Variants in TMEM135 observed in about 807,000 individuals in gnomAD.
TMEM135 encodes transmembrane protein 135.
In TMEM135, 30 loss-of-function variants were observed where a neutral mutation model predicts 60.3. The observed-to-expected ratio is 0.50, with a 90% confidence interval of 0.37 to 0.68. The LOEUF (loss-of-function observed/expected upper bound fraction) is 0.68, where lower values mean the gene tolerates loss of function less well. TMEM135 is among the 30% of genes least tolerant of loss of function. TMEM135 has a pLI of 0.00. For synonymous variants in TMEM135, 190 were observed against 186.7 expected, an observed-to-expected ratio of 1.02 and a Z score of -0.14; for missense variants, 468 against 548.8, an observed-to-expected ratio of 0.85 and a Z score of 1.47.
intron 6 of TMEM135, among the ~76,000 whole-genome samples, chr11:87,276,110 A>G (rs1466832301): frequency 2.0e-5 from 3 of 152,202 alleles, no homozygotes; most frequent in Non-Finnish European, 2.9e-5. Context: ...CAAGTTACAT[A>G]TGCAAAGGAA....
intron 4 of TMEM135, among the ~76,000 whole-genome samples, chr11:87,126,174 A>T (rs778623213): frequency 2.0e-5 from 3 of 152,158 alleles, no homozygotes; most frequent in Non-Finnish European, 2.9e-5. Flanking sequence ...CCCGGCCTAC[A>T]ATACCTGTAT....
chr11:87,062,083 G>A (rs1949952430), intron 1 of TMEM135, among the ~76,000 whole-genome samples: 1 of 152,026 alleles, frequency 6.6e-6, no homozygotes, highest in African/African-American at 2.4e-5. Flanking sequence ...TCGGCTCACT[G>A]CAGCCTCCAC....
At chr11:87,090,999 A>G (rs546302366) in intron 3 of TMEM135, among the ~76,000 whole-genome samples, 1 of 152,220 alleles carries the variant, frequency 6.6e-6, no homozygotes, top group South Asian at 2.1e-4. Context: ...TTTTGGCAAG[A>G]TGAATTAGAA....
intron 6 of TMEM135, among the ~76,000 whole-genome samples, chr11:87,284,058 T>C (rs1239680392): frequency 6.6e-6 from 1 of 152,186 alleles, no homozygotes; most frequent in Admixed American, 6.5e-5. Context: ...TTCGTAGCAA[T>C]GCCATAATTT....
intron 4 of TMEM135, among the ~76,000 whole-genome samples, chr11:87,111,136 A>G (rs1857734272): frequency 6.6e-6 from 1 of 152,230 alleles, no homozygotes; most frequent in Admixed American, 6.5e-5. Context: ...TTAGCAAAGA[A>G]GGACGAAGAA....
At chr11:87,211,643 A>G (rs1940372460) in intron 5 of TMEM135, among the ~76,000 whole-genome samples, 1 of 152,154 alleles carries the variant, frequency 6.6e-6, no homozygotes, top group African/African-American at 2.4e-5. Flanking sequence ...CTGTTTTTCG[A>G]CTGCTCTTTT....
At chr11:87,208,106 A>C (rs2135339585) in intron 5 of TMEM135, among the ~76,000 whole-genome samples, 1 of 152,358 alleles carries the variant, frequency 6.6e-6, no homozygotes, top group African/African-American at 2.4e-5. Context: ...CAAAGGGGAA[A>C]GGAACATCAG....
intron 5 of TMEM135, among the ~76,000 whole-genome samples, chr11:87,213,642 A>G (rs1192208938): frequency 6.6e-6 from 1 of 152,066 alleles, no homozygotes; most frequent in Non-Finnish European, 1.5e-5. Flanking sequence ...TTGTTCTTCC[A>G]TATTAGTAGG....
chr11:87,186,473 T>C (rs1009746258), intron 5 of TMEM135, among the ~76,000 whole-genome samples: 1 of 152,212 alleles, frequency 6.6e-6, no homozygotes, highest in Non-Finnish European at 1.5e-5. Flanking sequence ...TCATCTGATA[T>C]AATTTTGGTT....
Position 87,322,035 on chromosome 11 carries a change from G to T in TMEM135, c.*702G>T, listed in dbSNP as rs1330035346. 1 of 454,434 alleles carries T rather than the reference G, an allele frequency of 2.2e-6. No homozygotes were observed. The highest frequency in any genetic ancestry group is 1.6e-5 in the South Asian group (1 of 64,472). The allele number at this position is 454,434 out of a possible 1,614,324, so 28.2% of individuals were successfully genotyped here. A position where few individuals can be genotyped will look rare whatever the true frequency, so the allele number is the denominator to read the frequency against. ...CAGTGAACCTATGTACTAATGGCAA[G>T]TTAGGGGCAAATGGAAATGGACACA... On this transcript the variant is annotated 3_prime_UTR_variant, in exon 15 of 15. Transcript: ENST00000305494.
chr11:87,238,723 A>G (rs1295958518), intron 6 of TMEM135, among the ~76,000 whole-genome samples: 1 of 152,094 alleles, frequency 6.6e-6, no homozygotes, highest in Non-Finnish European at 1.5e-5. Context: ...AAGTTCACAT[A>G]GTTTGTCTTC....
At chr11:87,288,080 A>T (rs924137315) in intron 6 of TMEM135, among the ~76,000 whole-genome samples, 5 of 152,174 alleles carry the variant, frequency 3.3e-5, no homozygotes, top group Non-Finnish European at 7.4e-5. Context: ...AACTCATCCA[A>T]CTTCAATAGG....
intron 6 of TMEM135, chr11:87,258,910 G>C (rs778683443): frequency 2.0e-5 from 25 of 1,242,288 alleles, no homozygotes; most frequent in Non-Finnish European, 2.8e-5. Context: ...CCCTGTGTTA[G>C]GCCCTAGAAG....
At chr11:87,099,110 C>T (rs1009761937) in intron 4 of TMEM135, among the ~76,000 whole-genome samples, 8 of 152,092 alleles carry the variant, frequency 5.3e-5, no homozygotes, top group Admixed American at 2.0e-4. Context: ...TTTTTTTAGA[C>T]ACTCACATGC....
intron 4 of TMEM135, among the ~76,000 whole-genome samples, chr11:87,113,291 A>G (rs1297188942): frequency 6.6e-6 from 1 of 152,088 alleles, no homozygotes; most frequent in African/African-American, 2.4e-5. Flanking sequence ...GTATTTAAAG[A>G]AAAATAGAGA....
rs77610870 is a variant in TMEM135 at position 87,262,359 on chromosome 11, G to A, written c.509+25675G>A. 6.8e-3 allele frequency among the ~76,000 whole-genome samples: 1,038 copies of A among 152,158 alleles called. 12 individuals are homozygous for A. Among genetic ancestry groups the A allele is most frequent in the African/African-American group, 0.024 (991 of 41,498 alleles). The stretch of plus-strand genomic sequence containing the variant: ...AAAAAGGCAGTATCCATGTATTTTC[G>A]CTCCAAGAGTGCTTATTGATTCCTA... On this transcript the variant is annotated intron_variant, in intron 6 of 14. Transcript: ENST00000305494.
chr11:87,229,558 A>G (rs938048007), intron 5 of TMEM135, among the ~76,000 whole-genome samples: 2 of 152,140 alleles, frequency 1.3e-5, no homozygotes, highest in African/African-American at 2.4e-5. Context: ...TTTGGAGGTC[A>G]ATTTGGCAAT....
intron 9 of TMEM135, among the ~76,000 whole-genome samples, chr11:87,308,030 G>A (rs1942580993): frequency 6.6e-6 from 1 of 152,100 alleles, no homozygotes; most frequent in African/African-American, 2.4e-5. Context: ...AATATAGATT[G>A]CCCTGTTAAT....
Position 87,321,361 on chromosome 11 carries a change from A to T in TMEM135, c.*28A>T. ...ATGACTGTAACTTATTAATGTGACT[A>T]AATGTTTCATCTTGAAGAGTTAATT... On this transcript the variant is annotated 3_prime_UTR_variant, in exon 15 of 15. Transcript: ENST00000305494. 2 of 1,612,632 alleles carry T rather than the reference A, an allele frequency of 1.2e-6. No homozygotes were observed. Among genetic ancestry groups the T allele is most frequent in the Non-Finnish European group, 1.7e-6 (2 of 1,178,926 alleles).
Sources: allele counts gnomAD v4.1 joint callset (sites outside exome capture counted in the v4.1 genomes callset), GRCh38; gene constraint gnomAD v4.1.1; transcripts MANE v1.5; gene names NCBI Gene and HGNC (gene_info 2026-07-23, HGNC 2026-07-21).